Variants in PWWP2A observed in about 807,000 individuals in gnomAD.
PWWP2A encodes PWWP domain containing 2A.
PWWP2A carries 18 observed loss-of-function variants against 48.5 expected under a neutral mutation model. The ratio of observed to expected loss-of-function variants is 0.37; its 90% CI spans 0.26 to 0.55. PWWP2A has a LOEUF of 0.55. PWWP2A is among the 20% of genes least tolerant of loss of function. The probability of loss-of-function intolerance (pLI) is 0.81; values close to 1 mark genes in which losing one functional copy is unlikely to be tolerated. For missense variants in PWWP2A, 867 were observed against 976.4 expected, an observed-to-expected ratio of 0.89 and a Z score of 1.49; for synonymous variants, 396 against 387.7, an observed-to-expected ratio of 1.02 and a Z score of -0.25.
At chr5:160,118,634 C>T (rs1216209802) in intron 1 of PWWP2A, among the ~76,000 whole-genome samples, 171 bp downstream of exon 1, 1 of 152,120 alleles carries the variant, frequency 6.6e-6, no homozygotes, top group African/African-American at 2.4e-5. Context: ...ACCGCCCTCT[C>T]CCGGTCTCGC....
rs769997315 is a variant in PWWP2A, at chr5:160,118,959, C to A, written c.430G>T (p.Val144Leu). 6.9e-6 allele frequency: 11 copies of A among 1,598,330 alleles called. No homozygotes were observed. Among genetic ancestry groups the A allele is most frequent in the East Asian group, 4.6e-5 (2 of 43,046 alleles). The change falls in exon 1 of 2, where the codon GTG becomes TTG. Residue 144 changes from valine (V) to leucine (L), a missense_variant. Transcript: ENST00000307063. ...GTGGAGTCCCCGCCCGCCGGCGGCACGAGCGCCGGGGCTACGGGCTGAGGC... is the reference window on the plus strand; with the variant it reads ...GTGGAGTCCCCGCCCGCCGGCGGCAAGAGCGCCGGGGCTACGGGCTGAGGC... The part of the protein sequence containing the change: ...PLPQPVAPAL[V>L]PPAGGDSTVS...
chr5:160,049,193 T>A, the PWWP2A span, among the ~76,000 whole-genome samples: 1 of 152,244 alleles, frequency 6.6e-6, no homozygotes, highest in South Asian at 2.1e-4. Flanking sequence ...GTGAAAATTA[T>A]GTGAACTTAA....
intron 1 of PWWP2A, among the ~76,000 whole-genome samples, chr5:160,107,193 C>A (rs1438198624): frequency 6.6e-6 from 1 of 151,996 alleles, no homozygotes; most frequent in Non-Finnish European, 1.5e-5. Context: ...GGCAAACTAC[C>A]CCCTAAAAAT....
At chr5:160,058,304 A>G (rs1757598513), downstream of PWWP2A, among the ~76,000 whole-genome samples, 1 of 151,514 alleles carries the variant, frequency 6.6e-6, no homozygotes, top group Non-Finnish European at 1.5e-5. Flanking sequence ...TGAAGTCTTC[A>G]CCCCCTCAAA....
intron 1 of PWWP2A, among the ~76,000 whole-genome samples, chr5:160,117,123 C>T (rs1327672033): frequency 1.3e-5 from 2 of 151,874 alleles, no homozygotes; most frequent in Non-Finnish European, 2.9e-5. Context: ...TAAAATACAT[C>T]AATAGAAAGC....
At chr5:160,101,677 A>G (rs1756312958) in intron 1 of PWWP2A, among the ~76,000 whole-genome samples, 1 of 151,966 alleles carries the variant, frequency 6.6e-6, no homozygotes, top group African/African-American at 2.4e-5. Flanking sequence ...TACAATTTCA[A>G]AAAACTTTTA....
the PWWP2A span, among the ~76,000 whole-genome samples, chr5:160,052,570 A>AAAAC: frequency 1.3e-5 from 2 of 148,796 alleles, no homozygotes; most frequent in African/African-American, 2.5e-5. Flanking sequence ...AAAAAAAAAA[A>AAAAC]AAAACTGTTT....
intron 3 of PWWP2A, chr5:160,080,603 T>C: frequency 2.1e-6 from 3 of 1,442,806 alleles, no homozygotes; most frequent in African/African-American, 1.4e-5. Context: ...GATTAAGTGA[T>C]GACATGATGC....
At chr5:160,107,078 G>A (rs1009719453) in intron 1 of PWWP2A, among the ~76,000 whole-genome samples, 6 of 151,916 alleles carry the variant, frequency 3.9e-5, no homozygotes, top group African/African-American at 1.5e-4. Flanking sequence ...CACCCACCTT[G>A]GCCTCCCAAA....
the PWWP2A span, among the ~76,000 whole-genome samples, chr5:160,052,595 A>C: frequency 7.5e-6 from 1 of 134,090 alleles, no homozygotes; most frequent in Non-Finnish European, 1.6e-5. Flanking sequence ...TTAGTATTTG[A>C]ATTTCTTGCT....
chr5:160,076,511 TC>T (rs1290021865), exon 4 of PWWP2A: 1 of 152,236 alleles, frequency 6.6e-6, no homozygotes, highest in Non-Finnish European at 1.5e-5. Context: ...GCTGACTTTT[TC>T]TGATTTGATA....
intron 3 of PWWP2A, among the ~76,000 whole-genome samples, chr5:160,080,440 T>G (rs1013883863): frequency 3.3e-5 from 5 of 152,316 alleles, no homozygotes; most frequent in African/African-American, 1.2e-4. Flanking sequence ...GAGACTCCTC[T>G]TTTTTGGCAT....
At chr5:160,091,157 T>C, downstream of PWWP2A, 1 of 977,442 alleles carries the variant, frequency 1.0e-6, no homozygotes, top group Non-Finnish European at 1.2e-6. Flanking sequence ...AATCTTATTT[T>C]GAGAATATAC....
chr5:160,112,290 G>A lies in PWWP2A; in HGVS notation c.584+6515C>T, dbSNP rs1263969907. Among the ~76,000 whole-genome samples, 4 of 151,888 alleles carry A rather than the reference G, an allele frequency of 2.6e-5. No individual in the cohort carries two copies. The East Asian group carries it at 5.8e-4, about 22-fold the overall frequency. ...GGCTAGAGTGCAGTGGTGCGATCTC[G>A]GCTCACTGCAGCCTCCACCTCCCAG... On this transcript the variant is annotated intron_variant, in intron 1 of 1. Coordinates refer to ENST00000307063, the MANE Select transcript of PWWP2A (RefSeq NM_001130864.2).
Position 160,091,828 on chromosome 5 carries a change from G to A in PWWP2A, c.*554C>T, listed in dbSNP as rs764039428. The A allele has an allele frequency of 7.1e-5, 70 of 984,800 alleles. No homozygotes were observed. The Admixed American group carries it at 1.1e-3, about 16-fold the overall frequency. The allele number at this position is 984,800 out of a possible 1,614,324, so 61.0% of individuals were successfully genotyped here. On this transcript the variant is annotated 3_prime_UTR_variant, in exon 2 of 2. Coordinates refer to ENST00000307063, the MANE Select transcript of PWWP2A (RefSeq NM_001130864.2). Reference sequence around the variant, plus strand: ...CCATCTAACTTTTACACCATTATGCGCATAGAAAGGCTAAGTGTTCATTAT... The same window carrying A: ...CCATCTAACTTTTACACCATTATGCACATAGAAAGGCTAAGTGTTCATTAT...
the PWWP2A span, among the ~76,000 whole-genome samples, chr5:160,051,723 C>T: frequency 6.6e-6 from 1 of 152,128 alleles, no homozygotes; most frequent in Non-Finnish European, 1.5e-5. Flanking sequence ...AGTTATTTCT[C>T]ATATTTGCCA....
downstream of PWWP2A, among the ~76,000 whole-genome samples, chr5:160,061,219 A>T (rs540385546): frequency 6.6e-6 from 1 of 152,212 alleles, no homozygotes. Context: ...CCTCTGTCTC[A>T]TATGGTTGCA....
chr5:160,085,506 T>C (rs1266239379), intron 2 of PWWP2A, among the ~76,000 whole-genome samples: 1 of 17,154 alleles, frequency 5.8e-5, no homozygotes. Flanking sequence ...TGTCACATTC[T>C]TTTTTTTTTT....
At chr5:160,097,569 G>A (rs909567207) in intron 1 of PWWP2A, among the ~76,000 whole-genome samples, 16 of 151,522 alleles carry the variant, frequency 1.1e-4, no homozygotes, top group Admixed American at 2.6e-4. Flanking sequence ...GGTGAAAGTC[G>A]CAGTGAGCCG....
Sources: allele counts gnomAD v4.1 joint callset (sites outside exome capture counted in the v4.1 genomes callset), GRCh38; gene constraint gnomAD v4.1.1; transcripts MANE v1.5; gene names NCBI Gene and HGNC (gene_info 2026-07-23, HGNC 2026-07-21).